RNF121: variants seen among roughly 807,000 people sequenced by gnomAD.
The protein encoded by RNF121 is ring finger protein 121.
A neutral mutation model predicts 46.5 loss-of-function variants in RNF121; 21 were observed. That is an observed-to-expected ratio of 0.45 (90% CI 0.32 to 0.65). The LOEUF (loss-of-function observed/expected upper bound fraction) is 0.65, where lower values mean the gene tolerates loss of function less well. Among genes scored for constraint, RNF121 ranks in the 30% least tolerant of loss-of-function variants. RNF121 has a pLI of 0.04. For synonymous variants in RNF121, 139 were observed against 144.7 expected (o/e 0.96, Z 0.28); for missense variants, 346 against 416.0 (o/e 0.83, Z 1.46).
intron 3 of RNF121, among the ~76,000 whole-genome samples, chr11:71,980,604 C>G (rs1338901324): frequency 6.6e-6 from 1 of 152,164 alleles, no homozygotes; most frequent in Non-Finnish European, 1.5e-5. Context: ...GCCTTGGCCT[C>G]CCAAAGTGCT....
At chr11:71,972,400 G>A (rs1301683516) in intron 3 of RNF121, among the ~76,000 whole-genome samples, 1 of 152,192 alleles carries the variant, frequency 6.6e-6, no homozygotes, top group Non-Finnish European at 1.5e-5. Context: ...TCCAAGAAAT[G>A]ATGGAATTAT....
At chr11:71,955,369 G>A (rs1953968952) in intron 1 of RNF121, among the ~76,000 whole-genome samples, 1 of 152,154 alleles carries the variant, frequency 6.6e-6, no homozygotes, top group Admixed American at 6.6e-5. Flanking sequence ...GTGATTCAGT[G>A]GGTCTGGAGT....
At chr11:71,948,313 C>G (rs943057214) in intron 1 of RNF121, among the ~76,000 whole-genome samples, 1 of 151,900 alleles carries the variant, frequency 6.6e-6, no homozygotes, top group African/African-American at 2.4e-5. Context: ...GTCAGAAGTT[C>G]GAGACCAGCC....
chr11:71,976,157 T>C (rs1223846128), intron 3 of RNF121, among the ~76,000 whole-genome samples: 1 of 152,040 alleles, frequency 6.6e-6, no homozygotes, highest in Non-Finnish European at 1.5e-5. Flanking sequence ...TTGTTCCTTA[T>C]GTGATTTGGT....
In RNF121 at chr11:71,995,503, G is replaced by A; in HGVS notation, c.815G>A (p.Cys272Tyr). ...GWCIVGKKQT[C>Y]PYCKEKVDLK... ...TGCATCGTGGGAAAGAAGCAAACGT[G>A]TCCCTACTGCAAAGAGAAGGTAGAC... Residue 272 changes from cysteine (C) to tyrosine (Y), a missense_variant, in exon 8 of 9, where the codon TGT becomes TAT. Cys to Tyr is a radical substitution (Grantham distance 194, BLOSUM62 -2). This residue lies in a region of RNF121 where 286 missense variants were observed against 383.8 expected (regional missense o/e 0.75). Transcript: ENST00000361756. The A allele has an allele frequency of 6.3e-7, 1 of 1,596,302 alleles. No homozygotes were observed. The highest frequency in any genetic ancestry group is 8.5e-7 in the Non-Finnish European group (1 of 1,169,992).
Position 71,938,139 on chromosome 11 carries a change from C to G in RNF121, c.63+9015C>G, listed in dbSNP as rs368223999. 1.4e-4 allele frequency among the ~76,000 whole-genome samples: 21 copies of G among 152,154 alleles called. No homozygotes were observed. The East Asian group carries it at 3.9e-3, about 28-fold the overall frequency. ...CTCAATGTATTCTGTTACTTAGAAG[C>G]CTCAACATTTTACTCCCTGTTGCCC... On this transcript the variant is annotated intron_variant, in intron 1 of 8. Coordinates refer to ENST00000361756, the MANE Select transcript of RNF121 (RefSeq NM_018320.5).
intron 3 of RNF121, among the ~76,000 whole-genome samples, chr11:71,964,002 T>C (rs1954207846): frequency 6.6e-6 from 1 of 152,240 alleles, no homozygotes; most frequent in African/African-American, 2.4e-5. Flanking sequence ...CTGAGTCCTT[T>C]GCAATTCCTT....
At chr11:71,967,664 GC>G (rs2134186116) in intron 3 of RNF121, among the ~76,000 whole-genome samples, 1 of 151,866 alleles carries the variant, frequency 6.6e-6, no homozygotes, top group Admixed American at 6.6e-5. Context: ...CTCGTGATCT[GC>G]CCACCTTGGC....
intron 1 of RNF121, among the ~76,000 whole-genome samples, chr11:71,946,058 TTA>T (rs1306952790): frequency 1.3e-5 from 2 of 151,568 alleles, no homozygotes; most frequent in Non-Finnish European, 2.9e-5. Flanking sequence ...CTGCAGTGAG[TTA>T]TGTTTGTGCC....
At chr11:71,969,932 A>G in intron 3 of RNF121, among the ~76,000 whole-genome samples, 1 of 152,234 alleles carries the variant, frequency 6.6e-6, no homozygotes, top group East Asian at 1.9e-4. Flanking sequence ...CTTGTATGGA[A>G]GAGAGACTGC....
chr11:71,981,915 C>T (rs757981745), intron 3 of RNF121, among the ~76,000 whole-genome samples: 1 of 152,138 alleles, frequency 6.6e-6, no homozygotes, highest in Non-Finnish European at 1.5e-5. Flanking sequence ...TAGATAAGCA[C>T]TATAATAATG....
Position 71,960,841 on chromosome 11 carries a change from G to T in RNF121, c.193G>T (p.Ala65Ser), listed in dbSNP as rs779889078. 5.6e-6 allele frequency: 9 copies of T among 1,614,100 alleles called. No homozygotes were observed. The highest frequency in any genetic ancestry group is 6.8e-6 in the Non-Finnish European group (8 of 1,179,994). The change falls in exon 3 of 9, where the codon GCC (alanine) becomes TCC (serine). Residue 65 changes from alanine to serine, a missense_variant. Physicochemically the swap from Ala to Ser is moderately conservative, Grantham distance 99 (BLOSUM62 1). Coordinates refer to ENST00000361756, the MANE Select transcript of RNF121 (RefSeq NM_018320.5). ...CATCCTCATCGCAACCTTGGTGGTG[G>T]CCCAGCTGCTCCTGGTGCAGTGGAA... ...VLILIATLVV[A>S]QLLLVQWKQR...
At chr11:71,990,217 A>G (rs1954839737) in intron 5 of RNF121, among the ~76,000 whole-genome samples, 1 of 152,204 alleles carries the variant, frequency 6.6e-6, no homozygotes, top group Non-Finnish European at 1.5e-5. Context: ...ACAGCTCAGC[A>G]AGGCAGCTCA....
At chr11:71,946,648 T>TG (rs1409198029) in intron 1 of RNF121, among the ~76,000 whole-genome samples, 1 of 131,346 alleles carries the variant, frequency 7.6e-6, no homozygotes, top group African/African-American at 3.1e-5. Context: ...GAGCATGAGG[T>TG]TTTTTTTTTT....
intron 4 of RNF121, chr11:71,983,142 T>C (rs767817654): frequency 3.4e-4 from 126 of 375,712 alleles, no homozygotes; most frequent in Admixed American, 5.9e-4. Context: ...AAGGTATTTT[T>C]ATATTAAAGG....
At chr11:71,935,932 C>T (rs751485312) in intron 1 of RNF121, among the ~76,000 whole-genome samples, 6 of 148,312 alleles carry the variant, frequency 4.0e-5, no homozygotes, top group Admixed American at 6.8e-5. Context: ...ACTGCAGCCT[C>T]CGCCTCCTGG....
At chr11:71,943,809 G>C (rs886350354) in intron 1 of RNF121, among the ~76,000 whole-genome samples, 8 of 152,158 alleles carry the variant, frequency 5.3e-5, no homozygotes, top group Non-Finnish European at 1.2e-4. Flanking sequence ...GAGCCCTCTA[G>C]GCAGGAGGAG....
intron 1 of RNF121, among the ~76,000 whole-genome samples, chr11:71,946,691 A>G (rs1445382788): frequency 6.7e-6 from 1 of 149,270 alleles, no homozygotes; most frequent in East Asian, 2.0e-4. Context: ...TTAAAATAAG[A>G]TGGTTGCATC....
chr11:71,931,847 A>G lies in RNF121; in HGVS notation c.63+2723A>G, dbSNP rs78411223. Among the ~76,000 whole-genome samples, 744 of 152,316 alleles carry G rather than the reference A, an allele frequency of 4.9e-3. 11 individuals carry two copies. Among genetic ancestry groups the G allele is most frequent in the African/African-American group, 0.017 (717 of 41,572 alleles). ...GTGGCATTAATATTGCCCCCTGTGTAGCACTTTCTGTTTTATTGATAGACT... is the reference window on the plus strand; with the variant it reads ...GTGGCATTAATATTGCCCCCTGTGTGGCACTTTCTGTTTTATTGATAGACT... On this transcript the variant is annotated intron_variant, in intron 1 of 8. Coordinates refer to ENST00000361756, the MANE Select transcript of RNF121 (RefSeq NM_018320.5).
Sources: gnomAD v4.1 joint callset for allele counts (sites outside exome capture counted in the v4.1 genomes callset) on GRCh38, gnomAD v4.1.1 for gene constraint, gnomAD v4.1.1 regional missense constraint, MANE v1.5 for transcripts, NCBI Gene and HGNC (gene_info 2026-07-23, HGNC 2026-07-21) for gene names.